Variants in GNAS observed in about 807,000 individuals in gnomAD.
GNAS encodes the protein GNAS complex locus.
A neutral mutation model predicts 54.5 loss-of-function variants in GNAS; 8 were observed. That is an observed-to-expected ratio of 0.15 (90% CI 0.09 to 0.26). GNAS has a LOEUF of 0.26. GNAS is among the 10% of genes least tolerant of loss of function. The pLI, the probability that GNAS is intolerant of heterozygous loss-of-function variation, is 1.00. For synonymous variants in GNAS, 204 were observed against 191.4 expected (o/e 1.07, Z -0.54); for missense variants, 170 against 529.8 (o/e 0.32, Z 6.67).
rs1287849497 is a variant in GNAS at position 58,909,810 on chromosome 20, T to A, written c.839+6T>A. Reference sequence around the variant, plus strand: ...AAGAGCATCTGGAACAACAGGTTTGTGGAGTGACCGCCCACCCCCTGCGCT... The same window carrying A: ...AAGAGCATCTGGAACAACAGGTTTGAGGAGTGACCGCCCACCCCCTGCGCT... On this transcript the variant is annotated splice_donor_region_variant and intron_variant, in intron 10 of 12. Transcript: ENST00000371085. The surrounding 1 kb of genome is among the most constrained non-coding windows in gnomAD (Gnocchi z 7.3). 6.2e-7 allele frequency: 1 copy of A among 1,613,170 alleles called. No homozygotes were observed. Among genetic ancestry groups the A allele is most frequent in the African/African-American group, 1.3e-5 (1 of 74,910 alleles).
At chr20:58,852,803 C>T (rs1376041252) in intron 1 of GNAS, 2 of 227,666 alleles carry the variant, frequency 8.8e-6, no homozygotes, top group East Asian at 6.4e-5. Flanking sequence ...CCCAAAGTCC[C>T]GGGCCCCTGG....
At chr20:58,855,657 C>CTGCCGGGGAGGGGCCCCGG in intron 1 of GNAS, 1 of 667,630 alleles carries the variant, frequency 1.5e-6, no homozygotes, top group Non-Finnish European at 2.8e-6. Context: ...GAGCCAGGAA[C>CTGCCGGGGAGGGGCCCCGG]TGCCGGGGAG....
intron 1 of GNAS, 37 bp downstream of exon 1, chr20:58,891,902 G>T (rs749186910): frequency 2.0e-6 from 2 of 1,023,684 alleles, no homozygotes; most frequent in Admixed American, 4.7e-5. Flanking sequence ...CCGGCCCGGG[G>T]GCCCTCGAAG....
In GNAS at chr20:58,857,023, G is replaced by A. The variant is rs1037279931; in HGVS notation, c.43+16137G>A. On this transcript the variant is annotated intron_variant, in intron 1 of 12. Coordinates refer to the GNAS transcript ENST00000306090. The surrounding 1 kb of genome is among the most constrained non-coding windows in gnomAD (Gnocchi z 4.1). ...CATCAATTAGCAATGGTCTGAATAT[G>A]TGGTTTAAATGAAAACTTCCAAACA... 5 of 150,748 alleles carry A rather than the reference G, an allele frequency of 3.3e-5. No homozygotes were observed. The highest frequency in any genetic ancestry group is 9.8e-5 in the African/African-American group (4 of 41,010). The allele number at this position is 150,748 out of a possible 1,614,324, so 9.3% of individuals were successfully genotyped here.
rs1569028596 is a variant in GNAS at position 58,909,469 on chromosome 20, T to TG, written c.659+47dup. 6.2e-7 allele frequency: 1 copy of TG among 1,609,904 alleles called. No individual in the cohort carries two copies. Among genetic ancestry groups the TG allele is most frequent in the African/African-American group, 1.3e-5 (1 of 74,842 alleles). ...TTATATAACAGAGATCATGGTTTCT[T>TG]GACATTCACCCCAGTCCCTCTGGAA... On this transcript the variant is annotated intron_variant, in intron 8 of 12. Transcript: ENST00000371085. This position sits in a 1 kb window ranked among gnomAD's most constrained non-coding sequence, Gnocchi z 7.3.
intron 1 of GNAS, chr20:58,895,286 A>T: frequency 2.6e-6 from 1 of 384,166 alleles, no homozygotes; most frequent in South Asian, 2.3e-5. Flanking sequence ...TTACCCCACA[A>T]ATGACAAAAT....
chr20:58,877,467 A>C (rs1459250135), intron 1 of GNAS, among the ~76,000 whole-genome samples: 3 of 152,182 alleles, frequency 2.0e-5, no homozygotes, highest in Non-Finnish European at 4.4e-5. Flanking sequence ...GCTCTGCTCC[A>C]CCAGCTTTGA....
intron 1 of GNAS, among the ~76,000 whole-genome samples, chr20:58,879,254 G>A (rs1416203761): frequency 6.6e-6 from 1 of 152,164 alleles, no homozygotes; most frequent in African/African-American, 2.4e-5. Context: ...CCACTTTCTG[G>A]CAGCACAAAG....
At chr20:58,874,739 C>T (rs899622864) in intron 1 of GNAS, among the ~76,000 whole-genome samples, 2 of 152,178 alleles carry the variant, frequency 1.3e-5, no homozygotes, top group East Asian at 3.9e-4. Context: ...TGCCTTCCAT[C>T]TTAGTTCCTG....
At chr20:58,842,854 G>A (rs1294037993) in intron 1 of GNAS, among the ~76,000 whole-genome samples, 1 of 152,228 alleles carries the variant, frequency 6.6e-6, no homozygotes, top group Non-Finnish European at 1.5e-5. Context: ...GCTATCTTCA[G>A]ACTGGGTATT....
intron 1 of GNAS, among the ~76,000 whole-genome samples, chr20:58,868,221 G>T (rs531623572): frequency 6.6e-6 from 1 of 152,218 alleles, no homozygotes; most frequent in South Asian, 2.1e-4. Context: ...GGTTCTCCAT[G>T]TTGGTCAGGC....
intron 3 of GNAS, chr20:58,900,309 CCTA>C (rs573024824): frequency 6.3e-6 from 2 of 316,842 alleles, no homozygotes; most frequent in East Asian, 5.1e-5. Flanking sequence ...ACCCTTGAAC[CCTA>C]CTAATACCTT....
intron 1 of GNAS, among the ~76,000 whole-genome samples, chr20:58,874,548 C>G (rs181112508): frequency 5.3e-5 from 8 of 152,358 alleles, no homozygotes; most frequent in Admixed American, 4.6e-4. Flanking sequence ...CTCCAACCCT[C>G]CATCTTAGCT....
At chr20:58,848,732 C>T (rs1307631024) in intron 1 of GNAS, 17 of 392,960 alleles carry the variant, frequency 4.3e-5, no homozygotes, top group African/African-American at 1.9e-4. Context: ...ACCCACTAGC[C>T]GATCACCCCC....
At position 58,891,550 on chromosome 20, in the gene GNAS, C is replaced by T. The variant is rs1462396967; in HGVS notation, c.-177C>T. On this transcript the variant is annotated 5_prime_UTR_variant, in exon 1 of 13. Transcript: ENST00000371085. ...CGACCGACACCCTCCCCTTCCCGCC[C>T]GTCCGCGCGCCCCGCGGCCCGCGGC... is the stretch of plus-strand genomic sequence containing the variant. 2.5e-5 allele frequency: 24 copies of T among 972,452 alleles called. No homozygotes were observed. Among genetic ancestry groups the T allele is most frequent in the Admixed American group, 6.4e-5 (1 of 15,686 alleles). The allele number at this position is 972,452 out of a possible 1,614,324, so 60.2% of individuals were successfully genotyped here.
intron 3 of GNAS, chr20:58,900,559 C>G (rs1268991204): frequency 5.6e-6 from 1 of 179,448 alleles, no homozygotes; most frequent in Non-Finnish European, 1.2e-5. Context: ...AAAAACTGAA[C>G]GCATCCCATC....
chr20:58,899,241 G>A (rs2090368692), intron 3 of GNAS, among the ~76,000 whole-genome samples: 1 of 152,152 alleles, frequency 6.6e-6, no homozygotes, highest in South Asian at 2.1e-4. Flanking sequence ...TTTCAGCCTT[G>A]GATGATCAGT....
At chr20:58,875,224 T>G (rs2087728203) in intron 1 of GNAS, among the ~76,000 whole-genome samples, 3 of 152,162 alleles carry the variant, frequency 2.0e-5, no homozygotes, top group Admixed American at 2.0e-4. Flanking sequence ...TGCCTGAATT[T>G]TGTGTTCTGG....
intron 6 of GNAS, among the ~76,000 whole-genome samples, chr20:58,906,372 C>T (rs2091047992): frequency 6.6e-6 from 1 of 152,166 alleles, no homozygotes; most frequent in Non-Finnish European, 1.5e-5. Context: ...ACCATTGCCT[C>T]AGGGATCGCC....
Sources: gnomAD v4.1 joint callset for allele counts (sites outside exome capture counted in the v4.1 genomes callset) on GRCh38, gnomAD v4.1.1 for gene constraint, Gnocchi (gnomAD v3.1) non-coding constraint, MANE v1.5 for transcripts, NCBI Gene and HGNC (gene_info 2026-07-23, HGNC 2026-07-21) for gene names.